Variants in COBLL1 observed in about 807,000 individuals in gnomAD.
The protein encoded by COBLL1 is cordon-bleu protein-like 1.
A neutral mutation model predicts 94.8 loss-of-function variants in COBLL1; 50 were observed. That is an observed-to-expected ratio of 0.53 (90% confidence interval 0.42 to 0.67). The LOEUF is 0.67. COBLL1 is among the 30% of genes least tolerant of loss of function. COBLL1 has a pLI of 0.00. For missense variants in COBLL1, 1,362 were observed against 1,348.7 expected, an observed-to-expected ratio of 1.01 and a Z score of -0.15; for synonymous variants, 448 against 473.8, an observed-to-expected ratio of 0.95 and a Z score of 0.71.
chr2:164,756,412 G>A (rs2105602403), intron 2 of COBLL1, among the ~76,000 whole-genome samples: 1 of 151,978 alleles, frequency 6.6e-6, no homozygotes, highest in South Asian at 2.1e-4. Flanking sequence ...TTAACATTTA[G>A]TAATATCCTA....
intron 13 of COBLL1, chr2:164,687,330 A>ATGTACT (rs1683351417): frequency 1.5e-6 from 1 of 663,700 alleles, no homozygotes; most frequent in African/African-American, 1.8e-5. Context: ...ACAACTGGGG[A>ATGTACT]TGTACTTGAC....
intron 2 of COBLL1, among the ~76,000 whole-genome samples, chr2:164,837,202 G>A (rs1411087140): frequency 2.0e-5 from 3 of 151,590 alleles, no homozygotes; most frequent in African/African-American, 7.3e-5. Flanking sequence ...ATCCCTCAGA[G>A]CAAGGTCAAT....
At chr2:164,768,805 G>T (rs1688060020) in intron 2 of COBLL1, among the ~76,000 whole-genome samples, 1 of 152,124 alleles carries the variant, frequency 6.6e-6, no homozygotes, top group Non-Finnish European at 1.5e-5. Flanking sequence ...CTCCGTGAAA[G>T]CACTGGCCTT....
chr2:164,760,192 T>C (rs922158239), intron 2 of COBLL1, among the ~76,000 whole-genome samples: 1 of 152,168 alleles, frequency 6.6e-6, no homozygotes, highest in Admixed American at 6.5e-5. Flanking sequence ...GATGCATCCA[T>C]ACAACAGAAA....
At chr2:164,760,079 T>A (rs549081463) in intron 2 of COBLL1, among the ~76,000 whole-genome samples, 1 of 152,256 alleles carries the variant, frequency 6.6e-6, no homozygotes, top group East Asian at 1.9e-4. Context: ...AAACTTATAT[T>A]CACAAAAACC....
intron 13 of COBLL1, chr2:164,687,686 G>A (rs759850242): frequency 4.3e-5 from 32 of 738,254 alleles, no homozygotes; most frequent in Non-Finnish European, 5.9e-5. Context: ...GAGGAAACAG[G>A]CTGCATACAC....
chr2:164,754,471 T>C (rs1018609655), intron 2 of COBLL1, among the ~76,000 whole-genome samples: 2 of 152,164 alleles, frequency 1.3e-5, no homozygotes, highest in Non-Finnish European at 2.9e-5. Context: ...GGGAGTCCCA[T>C]GTGGCAACTG....
chr2:164,803,290 G>C (rs1309809086), intron 2 of COBLL1, among the ~76,000 whole-genome samples: 2 of 152,264 alleles, frequency 1.3e-5, no homozygotes, highest in South Asian at 4.1e-4. Flanking sequence ...GTTTGGCCGG[G>C]CGCGGTGGCT....
At chr2:164,711,949 A>G (rs779829770) in intron 7 of COBLL1, among the ~76,000 whole-genome samples, 98 of 152,298 alleles carry the variant, frequency 6.4e-4, no homozygotes, top group Non-Finnish European at 1.2e-3. Context: ...AATGCACATC[A>G]CTGAATTTTA....
intron 7 of COBLL1, among the ~76,000 whole-genome samples, chr2:164,715,351 G>A (rs1685110120): frequency 6.6e-6 from 1 of 152,086 alleles, no homozygotes; most frequent in Non-Finnish European, 1.5e-5. Context: ...CTAGGCAATT[G>A]TAGAATTATG....
chr2:164,814,950 T>A (rs1684644851), intron 2 of COBLL1, among the ~76,000 whole-genome samples: 1 of 152,212 alleles, frequency 6.6e-6, no homozygotes, highest in South Asian at 2.1e-4. Flanking sequence ...AGTCTCTTTC[T>A]CTTATCCATT....
chr2:164,704,126 C>T (rs750886964), intron 9 of COBLL1, among the ~76,000 whole-genome samples: 2 of 152,160 alleles, frequency 1.3e-5, no homozygotes, highest in Non-Finnish European at 1.5e-5. Context: ...TTCCTAATTA[C>T]GGTGTGTCAT....
intron 1 of COBLL1, among the ~76,000 whole-genome samples, chr2:164,671,951 G>C (rs1275933230): frequency 6.6e-6 from 1 of 152,128 alleles, no homozygotes; most frequent in Non-Finnish European, 1.5e-5. Context: ...GGGAAAGAAA[G>C]TATCTTCAAT....
Position 164,700,517 on chromosome 2 carries a change from C to T in COBLL1, c.1460+5G>A. 1 of 1,579,320 alleles carries T rather than the reference C, an allele frequency of 6.3e-7. No individual in the cohort carries two copies. Reference sequence around the variant, plus strand: ...CACCAACACTCCAGCACAGAGACTACTTACTGTCCATCTGTGCTTTTAGTT... The same window carrying T: ...CACCAACACTCCAGCACAGAGACTATTTACTGTCCATCTGTGCTTTTAGTT... On this transcript the variant is annotated splice_donor_5th_base_variant and intron_variant, in intron 10 of 13. Coordinates refer to ENST00000652658, the MANE Select transcript of COBLL1 (RefSeq NM_001365672.2).
intron 2 of COBLL1, among the ~76,000 whole-genome samples, chr2:164,753,104 C>G (rs1477170003): frequency 6.6e-6 from 1 of 152,146 alleles, no homozygotes; most frequent in Non-Finnish European, 1.5e-5. Context: ...CACTTCTGCT[C>G]CTGGTCAGGA....
intron 5 of COBLL1, 151 bp downstream of exon 5, chr2:164,727,818 T>C: frequency 2.3e-6 from 1 of 440,820 alleles, no homozygotes; most frequent in Admixed American, 4.0e-5. Flanking sequence ...AACATTTTGT[T>C]TTCTTATTCC....
intron 2 of COBLL1, among the ~76,000 whole-genome samples, chr2:164,792,913 T>C (rs1380465122): frequency 6.6e-6 from 1 of 152,008 alleles, no homozygotes; most frequent in South Asian, 2.1e-4. Context: ...TCCTGGAATG[T>C]CTCCTTGGAA....
intron 2 of COBLL1, among the ~76,000 whole-genome samples, chr2:164,749,533 T>C (rs35349581): frequency 0.075 from 11,428 of 152,190 alleles, 456 homozygotes; most frequent in Middle Eastern, 0.095. Flanking sequence ...CAATTATAAA[T>C]TGAAGACCAA....
intron 2 of COBLL1, among the ~76,000 whole-genome samples, chr2:164,747,018 A>G (rs1473138865): frequency 2.6e-5 from 4 of 152,124 alleles, no homozygotes; most frequent in Non-Finnish European, 4.4e-5. Flanking sequence ...AATACACAGA[A>G]TCTCTGGGAC....
Sources: gnomAD v4.1 joint callset for allele counts (sites outside exome capture counted in the v4.1 genomes callset) on GRCh38, gnomAD v4.1.1 for gene constraint, MANE v1.5 for transcripts, NCBI Gene and HGNC (gene_info 2026-07-23, HGNC 2026-07-21) for gene names.